Variants in ALDH18A1 observed in about 807,000 individuals in gnomAD.
ALDH18A1 encodes the protein delta-1-pyrroline-5-carboxylate synthase.
In ALDH18A1, 44 loss-of-function variants were observed where a neutral mutation model predicts 88.8. That is an observed-to-expected ratio of 0.50 (90% CI 0.39 to 0.64). ALDH18A1 has a LOEUF of 0.64. Among genes scored for constraint, ALDH18A1 ranks in the 30% least tolerant of loss-of-function variants. The pLI is 0.00. For missense variants in ALDH18A1, 782 were observed against 1,009.5 expected, an observed-to-expected ratio of 0.77 and a Z score of 3.05; for synonymous variants, 331 against 372.1, an observed-to-expected ratio of 0.89 and a Z score of 1.27.
chr10:95,633,763 C>CAGATTAGA, intron 5 of ALDH18A1, 114 bp from the exon 6 acceptor site: 1 of 945,372 alleles, frequency 1.1e-6, no homozygotes, highest in East Asian at 2.8e-5. Context: ...GGGCCCCACA[C>CAGATTAGA]AGATTAGAAG....
intron 13 of ALDH18A1, among the ~76,000 whole-genome samples, chr10:95,615,527 G>T (rs971865435): frequency 3.9e-5 from 6 of 152,096 alleles, no homozygotes; most frequent in Non-Finnish European, 7.3e-5. Context: ...TGGTTCACAG[G>T]ATCTGTATAC....
intron 7 of ALDH18A1, among the ~76,000 whole-genome samples, chr10:95,629,756 A>G (rs778490186): frequency 2.0e-5 from 3 of 152,172 alleles, no homozygotes; most frequent in Admixed American, 6.5e-5. Context: ...CACCAAGAGC[A>G]TAGTTAAAAT....
At position 95,610,182 on chromosome 10, in the gene ALDH18A1, C is replaced by T. The variant is rs10882640; in HGVS notation, c.2206+15G>A. On this transcript the variant is annotated intron_variant, in intron 17 of 17. Transcript: ENST00000371224. Reference sequence around the variant, plus strand: ...CACAAGGAACTTCTTTCTTCCCAACCAGAGTCTTTCTTACCCAGTCCAAAG... The same window carrying T: ...CACAAGGAACTTCTTTCTTCCCAACTAGAGTCTTTCTTACCCAGTCCAAAG... The T allele has an allele frequency of 0.45, 731,576 of 1,612,192 alleles. 174,439 individuals are homozygous for T. Among genetic ancestry groups the T allele is most frequent in the Admixed American group, 0.52 (31,437 of 59,944 alleles).
Position 95,633,667 on chromosome 10 carries a change from A to G in ALDH18A1, c.559-18T>C, listed in dbSNP as rs1466759458. 1 of 1,613,854 alleles carries G rather than the reference A, an allele frequency of 6.2e-7. No homozygotes were observed. Among genetic ancestry groups the G allele is most frequent in the Admixed American group, 1.7e-5 (1 of 60,002 alleles). Reference sequence around the variant, plus strand: ...ACCAAAATCTAAAAGGATTAAATAGATGGAAAATGCATGAGGGAGAAAAAC... The same window carrying G: ...ACCAAAATCTAAAAGGATTAAATAGGTGGAAAATGCATGAGGGAGAAAAAC... On this transcript the variant is annotated intron_variant, in intron 5 of 17. Transcript: ENST00000371224.
At chr10:95,618,809 G>A (rs1441401562) in intron 12 of ALDH18A1, among the ~76,000 whole-genome samples, 1 of 152,176 alleles carries the variant, frequency 6.6e-6, no homozygotes, top group Admixed American at 6.5e-5. Flanking sequence ...TAAGATATTT[G>A]GAAATTTGCT....
At chr10:95,638,878 CT>C (rs757754108) in intron 3 of ALDH18A1, among the ~76,000 whole-genome samples, 85 of 146,080 alleles carry the variant, frequency 5.8e-4, no homozygotes, top group Admixed American at 1.0e-3. Context: ...ACAATAATAA[CT>C]TTTTTTTTTT....
intron 7 of ALDH18A1, among the ~76,000 whole-genome samples, chr10:95,631,514 G>C (rs998569790): frequency 9.9e-5 from 15 of 152,122 alleles, no homozygotes; most frequent in African/African-American, 3.6e-4. Flanking sequence ...GGAGGCTGAG[G>C]CAGGTGGATC....
At chr10:95,610,697 G>A (rs560688766) in intron 16 of ALDH18A1, among the ~76,000 whole-genome samples, 23 of 152,294 alleles carry the variant, frequency 1.5e-4, no homozygotes, top group African/African-American at 4.6e-4. Context: ...TTGTAGAGAG[G>A]ATGAAACACC....
intron 13 of ALDH18A1, among the ~76,000 whole-genome samples, chr10:95,615,027 T>A (rs1162256751): frequency 2.0e-5 from 3 of 152,198 alleles, no homozygotes. Context: ...CTCATTTATA[T>A]AAATTTCAAG....
At chr10:95,618,146 T>C (rs2097846883) in intron 12 of ALDH18A1, among the ~76,000 whole-genome samples, 2 of 152,090 alleles carry the variant, frequency 1.3e-5, no homozygotes, top group African/African-American at 4.8e-5. Context: ...TGGTATCCTA[T>C]AGGACAGTCC....
chr10:95,628,551 C>T, intron 7 of ALDH18A1, 59 bp from the exon 8 acceptor site: 1 of 1,592,960 alleles, frequency 6.3e-7, no homozygotes, highest in Non-Finnish European at 8.5e-7. Flanking sequence ...CAAGACAGGC[C>T]TCCCCAGGGC....
rs777887374 is a variant in ALDH18A1 at position 95,613,922 on chromosome 10, G to A, written c.1801+44C>T. The A allele has an allele frequency of 9.9e-6, 16 of 1,614,068 alleles. No homozygotes were observed. In the South Asian group the frequency reaches 1.5e-4, roughly 16 times the overall value. On this transcript the variant is annotated intron_variant, in intron 14 of 17. Transcript: ENST00000371224. ...GACATGATCCAGAGCTGCAGAGGAT[G>A]TAATATTTCTCCGTTGTGAAAGAGA...
At position 95,616,552 on chromosome 10, in the gene ALDH18A1, T is replaced by C; in HGVS notation, c.1530A>G (p.Ala510=). ...GGAGGTGGAGAATCCGGTTGCTGTG[T>C]GCAGCCTCCTTCCCTCCTTTGAGTA... The part of the protein sequence containing the change: ...GLLLKGGKEA[A]HSNRILHLLT... The change falls in exon 13 of 18, where the codon GCA becomes GCG. Residue 510 remains alanine (A), a synonymous_variant. Transcript: ENST00000371224. 6.3e-7 allele frequency: 1 copy of C among 1,599,680 alleles called. No individual in the cohort carries two copies. Among genetic ancestry groups the C allele is most frequent in the Non-Finnish European group, 8.5e-7 (1 of 1,172,970 alleles).
intron 3 of ALDH18A1, among the ~76,000 whole-genome samples, chr10:95,641,829 T>TGG (rs140838661): frequency 6.6e-6 from 1 of 151,888 alleles, no homozygotes; most frequent in Non-Finnish European, 1.5e-5. Context: ...TTTGTAGAGA[T>TGG]GGGGGTCTCA....
intron 17 of ALDH18A1, among the ~76,000 whole-genome samples, chr10:95,608,753 A>G (rs796788457): frequency 7.2e-5 from 11 of 152,334 alleles, no homozygotes; most frequent in African/African-American, 2.6e-4. Flanking sequence ...CTCCTGCTTC[A>G]GCCTCTCAAA....
intron 7 of ALDH18A1, among the ~76,000 whole-genome samples, chr10:95,631,742 C>CAAAAAAAAAAAAAAAAA (rs71034341): frequency 1.3e-5 from 1 of 76,480 alleles, no homozygotes; most frequent in Non-Finnish European, 2.5e-5. Flanking sequence ...GGCTCTGCCT[C>CAAAAAAAAAAAAAAAAA]AAAAAAAAAA....
At chr10:95,616,803 G>C in intron 12 of ALDH18A1, 189 bp from the exon 13 acceptor site, 1 of 774,146 alleles carries the variant, frequency 1.3e-6, no homozygotes, top group Middle Eastern at 3.6e-4. Flanking sequence ...ACAGATAAGG[G>C]CACTGAAGCC....
chr10:95,652,599 G>A (rs944583633), intron 2 of ALDH18A1, among the ~76,000 whole-genome samples: 1 of 152,080 alleles, frequency 6.6e-6, no homozygotes, highest in African/African-American at 2.4e-5. Flanking sequence ...GCTGGGTATG[G>A]TGATGCACAC....
intron 13 of ALDH18A1, among the ~76,000 whole-genome samples, chr10:95,615,103 G>T (rs2097841999): frequency 6.6e-6 from 1 of 151,882 alleles, no homozygotes. Flanking sequence ...CAGGCAGATT[G>T]CCTGAGCTCA....
Sources: allele counts gnomAD v4.1 joint callset (sites outside exome capture counted in the v4.1 genomes callset), GRCh38; gene constraint gnomAD v4.1.1; transcripts MANE v1.5; gene names NCBI Gene and HGNC (gene_info 2026-07-23, HGNC 2026-07-21).